Variants in MPP7 observed in about 807,000 individuals in gnomAD.
MPP7 encodes MAGUK p55 subfamily member 7.
In MPP7, 60 loss-of-function variants were observed where a neutral mutation model predicts 76.5. That is an observed-to-expected ratio of 0.78 (90% CI 0.64 to 0.97). The LOEUF is 0.97. Among genes scored for constraint, MPP7 ranks in the 50% least tolerant of loss-of-function variants. The pLI is 0.00. For missense variants in MPP7, 641 were observed against 694.0 expected (o/e 0.92, Z 0.86); for synonymous variants, 237 against 244.5 (o/e 0.97, Z 0.29).
At chr10:28,156,874 A>C (rs182317613) in intron 3 of MPP7, among the ~76,000 whole-genome samples, 2 of 152,320 alleles carry the variant, frequency 1.3e-5, no homozygotes, top group East Asian at 3.9e-4. Flanking sequence ...TGAAACCCTC[A>C]CACAAGAAAA....
chr10:28,084,596 G>C (rs1329329275), intron 12 of MPP7, among the ~76,000 whole-genome samples: 1 of 152,116 alleles, frequency 6.6e-6, no homozygotes, highest in East Asian at 1.9e-4. Flanking sequence ...AGAGGAGAAG[G>C]GCAGGAGCTC....
At chr10:28,266,267 G>C (rs1231445469) in intron 1 of MPP7, among the ~76,000 whole-genome samples, 1 of 152,096 alleles carries the variant, frequency 6.6e-6, no homozygotes, top group African/African-American at 2.4e-5. Context: ...GCCCACAAGG[G>C]CCTTTTCAGT....
At chr10:28,244,889 T>C (rs1419160162) in intron 1 of MPP7, among the ~76,000 whole-genome samples, 1 of 152,130 alleles carries the variant, frequency 6.6e-6, no homozygotes, top group Non-Finnish European at 1.5e-5. Context: ...GAACTAGCAC[T>C]TGCAGGCAAT....
At chr10:28,249,273 T>C (rs1839535519) in intron 1 of MPP7, among the ~76,000 whole-genome samples, 1 of 152,050 alleles carries the variant, frequency 6.6e-6, no homozygotes, top group Admixed American at 6.6e-5. Flanking sequence ...GTAGGAAAAC[T>C]GTCAACAAAT....
At chr10:28,267,221 C>G (rs1273065839) in intron 1 of MPP7, among the ~76,000 whole-genome samples, 1 of 152,160 alleles carries the variant, frequency 6.6e-6, no homozygotes. Flanking sequence ...ACCTGCAAAG[C>G]TTAGTACATT....
At chr10:28,210,567 G>C (rs1162334784) in intron 2 of MPP7, among the ~76,000 whole-genome samples, 3 of 152,138 alleles carry the variant, frequency 2.0e-5, no homozygotes, top group Non-Finnish European at 4.4e-5. Context: ...ATGGAAAAAT[G>C]ATAGAAAGTA....
intron 1 of MPP7, among the ~76,000 whole-genome samples, chr10:28,332,861 C>T (rs1420323274): frequency 5.3e-5 from 8 of 151,908 alleles, no homozygotes; most frequent in Non-Finnish European, 1.0e-4. Context: ...CAGAGTCTCA[C>T]TATGTTGCCC....
chr10:28,169,076 C>T (rs912028348), intron 3 of MPP7, among the ~76,000 whole-genome samples: 1 of 152,142 alleles, frequency 6.6e-6, no homozygotes, highest in African/African-American at 2.4e-5. Flanking sequence ...ATGCCATCTT[C>T]ACTATTGAGA....
intron 2 of MPP7, among the ~76,000 whole-genome samples, chr10:28,310,630 C>T (rs1200660640): frequency 6.6e-6 from 1 of 152,130 alleles, no homozygotes; most frequent in Non-Finnish European, 1.5e-5. Context: ...TTAAAATTAC[C>T]TGAAGAGCCT....
At chr10:28,091,028 T>A (rs937557121) in intron 11 of MPP7, among the ~76,000 whole-genome samples, 11 of 152,016 alleles carry the variant, frequency 7.2e-5, no homozygotes, top group Non-Finnish European at 1.3e-4. Context: ...ACACATGTAA[T>A]CTCAGCTACT....
intron 11 of MPP7, among the ~76,000 whole-genome samples, chr10:28,115,196 A>G (rs1168262884): frequency 6.6e-6 from 1 of 151,846 alleles, no homozygotes; most frequent in Non-Finnish European, 1.5e-5. Context: ...TCTGCCTCCC[A>G]GGTTCAAGCG....
intron 11 of MPP7, among the ~76,000 whole-genome samples, chr10:28,106,426 TG>T (rs1191715047): frequency 3.3e-5 from 5 of 152,184 alleles, no homozygotes; most frequent in African/African-American, 9.6e-5. Flanking sequence ...ATCTCCAAAC[TG>T]GAGATTTCCT....
chr10:28,057,580 G>T, intron 15 of MPP7: 2 of 396,396 alleles, frequency 5.0e-6, no homozygotes, highest in Non-Finnish European at 6.6e-6. Flanking sequence ...TGTACAGTCT[G>T]CAGAGCAGTG....
intron 2 of MPP7, among the ~76,000 whole-genome samples, chr10:28,321,836 T>C (rs1283172653): frequency 1.3e-5 from 2 of 152,186 alleles, no homozygotes; most frequent in African/African-American, 4.8e-5. Flanking sequence ...TCCACCCACC[T>C]TGGCTTCCCA....
chr10:28,099,918 C>A (rs1490869292), intron 11 of MPP7, among the ~76,000 whole-genome samples: 2 of 150,822 alleles, frequency 1.3e-5, no homozygotes, highest in Admixed American at 1.3e-4. Flanking sequence ...GAAAAAAAAA[C>A]ATTTAAATTC....
intron 13 of MPP7, among the ~76,000 whole-genome samples, chr10:28,060,831 AC>A (rs1851753095): frequency 6.6e-6 from 1 of 152,246 alleles, no homozygotes; most frequent in Non-Finnish European, 1.5e-5. Context: ...TCAAACCAGC[AC>A]GGCAAAGGCC....
chr10:28,179,394 C>A (rs1836985524), intron 3 of MPP7, among the ~76,000 whole-genome samples: 1 of 152,094 alleles, frequency 6.6e-6, no homozygotes, highest in African/African-American at 2.4e-5. Flanking sequence ...TGGTTTAAGA[C>A]CACCGTGTCT....
At chr10:28,076,051 T>G (rs953524978) in intron 12 of MPP7, among the ~76,000 whole-genome samples, 2 of 152,156 alleles carry the variant, frequency 1.3e-5, no homozygotes, top group Non-Finnish European at 2.9e-5. Flanking sequence ...CGTGTGGATA[T>G]GAAAATTAGA....
intron 11 of MPP7, among the ~76,000 whole-genome samples, chr10:28,090,684 T>A (rs1359935317): frequency 7.2e-5 from 11 of 152,222 alleles, no homozygotes; most frequent in Admixed American, 2.6e-4. Flanking sequence ...CGTGTGCTTA[T>A]GCGTCAGTCA....
Sources: gnomAD v4.1 joint callset for allele counts (sites outside exome capture counted in the v4.1 genomes callset) on GRCh38, gnomAD v4.1.1 for gene constraint, MANE v1.5 for transcripts, NCBI Gene and HGNC (gene_info 2026-07-23, HGNC 2026-07-21) for gene names.